Variants in TTC17 observed in about 807,000 individuals in gnomAD.
TTC17 encodes the protein tetratricopeptide repeat domain 17.
A neutral mutation model predicts 143.8 loss-of-function variants in TTC17; 58 were observed. The ratio of observed to expected loss-of-function variants is 0.40; its 90% CI spans 0.33 to 0.50. The LOEUF is 0.50. TTC17 is among the 20% of genes least tolerant of loss of function. TTC17 has a pLI of 0.49. For missense variants in TTC17, 1,273 were observed against 1,392.5 expected (o/e 0.91, Z 1.37); for synonymous variants, 501 against 497.8 (o/e 1.01, Z -0.09).
intron 1 of TTC17, among the ~76,000 whole-genome samples, chr11:43,363,804 T>C (rs78381624): frequency 6.6e-6 from 1 of 152,072 alleles, no homozygotes; most frequent in Non-Finnish European, 1.5e-5. Context: ...ACTCAGTAGA[T>C]TTTTTTTCCT....
chr11:43,480,615 G>GA (rs1948268211), intron 21 of TTC17, among the ~76,000 whole-genome samples: 1 of 152,102 alleles, frequency 6.6e-6, no homozygotes, highest in Admixed American at 6.5e-5. Context: ...AAACATTGTG[G>GA]AAAATAATAA....
chr11:43,432,919 A>G (rs538316360), intron 16 of TTC17, among the ~76,000 whole-genome samples: 6 of 152,304 alleles, frequency 3.9e-5, no homozygotes, highest in South Asian at 4.1e-4. Context: ...TAATTCAACT[A>G]TCGCCAAGCT....
At chr11:43,385,224 A>G (rs1029838691) in intron 2 of TTC17, among the ~76,000 whole-genome samples, 4 of 152,216 alleles carry the variant, frequency 2.6e-5, no homozygotes, top group African/African-American at 9.6e-5. Flanking sequence ...AGACATAGAA[A>G]AAGAGATAGA....
chr11:43,416,926 A>G (rs944511261), intron 16 of TTC17, among the ~76,000 whole-genome samples: 2 of 152,196 alleles, frequency 1.3e-5, no homozygotes, highest in Non-Finnish European at 2.9e-5. Flanking sequence ...CTAATAGTCT[A>G]TTACTGCTGG....
At chr11:43,459,996 CAT>C (rs1358159146) in intron 21 of TTC17, among the ~76,000 whole-genome samples, 2 of 152,170 alleles carry the variant, frequency 1.3e-5, no homozygotes, top group African/African-American at 2.4e-5. Context: ...TTTATCAAGA[CAT>C]AACCCCATTG....
chr11:43,460,092 G>GTTAA (rs1947837341), intron 21 of TTC17, among the ~76,000 whole-genome samples: 2 of 151,470 alleles, frequency 1.3e-5, no homozygotes, highest in African/African-American at 4.9e-5. Flanking sequence ...TAATCTTACA[G>GTTAA]TTAACACCCT....
At chr11:43,490,043 G>A in intron 21 of TTC17, 196 bp from the exon 22 acceptor site, 2 of 564,062 alleles carry the variant, frequency 3.5e-6, no homozygotes, top group Admixed American at 7.4e-5. Flanking sequence ...TAGAAGGGCT[G>A]TAATAGTAGT....
At chr11:43,365,505 G>A (rs1856299906) in intron 1 of TTC17, among the ~76,000 whole-genome samples, 1 of 151,524 alleles carries the variant, frequency 6.6e-6, no homozygotes, top group Non-Finnish European at 1.5e-5. Flanking sequence ...CTGAGCTGAA[G>A]CAATCACCTG....
chr11:43,376,606 A>G (rs1004219719), intron 1 of TTC17, among the ~76,000 whole-genome samples: 2 of 152,008 alleles, frequency 1.3e-5, no homozygotes, highest in Admixed American at 6.6e-5. Context: ...TTGCTTCTGG[A>G]CTTACAGCAG....
chr11:43,391,691 T>G, intron 4 of TTC17, 115 bp downstream of exon 4: 2 of 1,324,970 alleles, frequency 1.5e-6, no homozygotes, highest in Non-Finnish European at 2.1e-6. Flanking sequence ...GCTTTGTAAT[T>G]TTATAGACAT....
intron 21 of TTC17, among the ~76,000 whole-genome samples, chr11:43,463,658 A>G (rs1590465180): frequency 6.6e-6 from 1 of 152,222 alleles, no homozygotes; most frequent in Non-Finnish European, 1.5e-5. Context: ...TTTTAATGCA[A>G]TAACAATAAA....
chr11:43,452,139 T>C (rs1307612951), intron 21 of TTC17, among the ~76,000 whole-genome samples: 2 of 152,192 alleles, frequency 1.3e-5, no homozygotes, highest in East Asian at 1.9e-4. Flanking sequence ...AGGAACTTTC[T>C]ACAGGTAGCC....
chr11:43,391,987 G>A (rs750893423), intron 5 of TTC17, 35 bp downstream of exon 5: 1 of 1,572,350 alleles, frequency 6.4e-7, no homozygotes, highest in Non-Finnish European at 8.6e-7. Context: ...CCAGCGGGCT[G>A]AGCCAGCGGG....
chr11:43,489,377 G>C (rs1305550935), intron 21 of TTC17, among the ~76,000 whole-genome samples: 1 of 152,180 alleles, frequency 6.6e-6, no homozygotes, highest in Admixed American at 6.5e-5. Flanking sequence ...TAAGAGTTTA[G>C]TAACAAACTC....
chr11:43,389,627 T>C (rs1857302006), intron 2 of TTC17, 25 bp from the exon 3 acceptor site: 1 of 1,587,356 alleles, frequency 6.3e-7, no homozygotes, highest in Admixed American at 1.8e-5. Flanking sequence ...AAGAATCCAT[T>C]CTGTTCTTAC....
At chr11:43,424,936 T>C (rs921702205) in intron 16 of TTC17, among the ~76,000 whole-genome samples, 1 of 152,192 alleles carries the variant, frequency 6.6e-6, no homozygotes, top group Non-Finnish European at 1.5e-5. Flanking sequence ...ATTTTTAATA[T>C]GGTTTGTTGC....
Position 43,396,827 on chromosome 11 carries a change from C to A in TTC17, c.773+9C>A, listed in dbSNP as rs1857610751. The A allele has an allele frequency of 6.4e-7, 1 of 1,558,316 alleles. No individual in the cohort carries two copies. The highest frequency in any genetic ancestry group is 8.8e-7 in the Non-Finnish European group (1 of 1,133,468). On this transcript the variant is annotated intron_variant, in intron 6 of 23. Coordinates refer to ENST00000039989, the MANE Select transcript of TTC17 (RefSeq NM_018259.6). The stretch of plus-strand genomic sequence containing the variant: ...CTTCACTTCTCTTCCAGGTAAGATT[C>A]CTCCTCTTCTGGACCTGATTTTCCA...
At chr11:43,407,093 T>C (rs1858174864) in intron 13 of TTC17, 45 bp from the exon 14 acceptor site, 1 of 1,357,100 alleles carries the variant, frequency 7.4e-7, no homozygotes, top group Non-Finnish European at 1.0e-6. Context: ...TCAAATGTCT[T>C]CCCTGTTATT....
At chr11:43,405,976 T>C in intron 13 of TTC17, 25 bp downstream of exon 13, 2 of 1,604,494 alleles carry the variant, frequency 1.2e-6, no homozygotes, top group South Asian at 1.1e-5. Flanking sequence ...GGCTGGTATT[T>C]ATTGCCGTCC....
Sources: allele counts gnomAD v4.1 joint callset (sites outside exome capture counted in the v4.1 genomes callset), GRCh38; gene constraint gnomAD v4.1.1; transcripts MANE v1.5; gene names NCBI Gene and HGNC (gene_info 2026-07-23, HGNC 2026-07-21).